ITGBL1: variants seen among roughly 807,000 people sequenced by gnomAD.
ITGBL1 encodes integrin beta-like protein 1.
A neutral mutation model predicts 68.5 loss-of-function variants in ITGBL1; 51 were observed. The ratio of observed to expected loss-of-function variants is 0.74; its 90% CI spans 0.59 to 0.94. The LOEUF (loss-of-function observed/expected upper bound fraction) is 0.94, where lower values mean the gene tolerates loss of function less well. Ranked by LOEUF, ITGBL1 falls within the 40% of genes least tolerant of loss-of-function variation. The probability of loss-of-function intolerance (pLI) is 0.00; values close to 1 mark genes in which losing one functional copy is unlikely to be tolerated. For synonymous variants in ITGBL1, 209 were observed against 227.3 expected (o/e 0.92, Z 0.72); for missense variants, 649 against 647.4 (o/e 1.00, Z -0.03).
chr13:101,679,942 ATTACT>A (rs1221118822), intron 7 of ITGBL1, among the ~76,000 whole-genome samples: 1 of 152,222 alleles, frequency 6.6e-6, no homozygotes, highest in Non-Finnish European at 1.5e-5. Context: ...TCCATGACTG[ATTACT>A]TTAATCCTTG....
chr13:101,674,867 A>G (rs897719700), intron 7 of ITGBL1, among the ~76,000 whole-genome samples: 1 of 151,544 alleles, frequency 6.6e-6, no homozygotes, highest in African/African-American at 2.4e-5. Flanking sequence ...TTTACCCTAT[A>G]TTTGCTTTTT....
intron 7 of ITGBL1, among the ~76,000 whole-genome samples, chr13:101,625,353 C>A (rs1234539673): frequency 6.6e-6 from 1 of 152,146 alleles, no homozygotes; most frequent in African/African-American, 2.4e-5. Context: ...GCCAGTTAAG[C>A]CTTCGTATGT....
intron 7 of ITGBL1, among the ~76,000 whole-genome samples, chr13:101,630,520 G>A (rs1436433112): frequency 1.3e-5 from 2 of 152,048 alleles, no homozygotes; most frequent in African/African-American, 4.8e-5. Context: ...CTGGTTTTAG[G>A]TACAAAATGT....
chr13:101,672,215 T>A (rs1213781233), intron 7 of ITGBL1, among the ~76,000 whole-genome samples: 1 of 152,226 alleles, frequency 6.6e-6, no homozygotes, highest in African/African-American at 2.4e-5. Flanking sequence ...ATATACTTGT[T>A]AGATGTTGGC....
At chr13:101,681,826 G>A (rs959294961) in intron 7 of ITGBL1, among the ~76,000 whole-genome samples, 1 of 152,126 alleles carries the variant, frequency 6.6e-6, no homozygotes, top group Non-Finnish European at 1.5e-5. Flanking sequence ...GTGCGCATGT[G>A]TGTATATGTG....
chr13:101,514,493 A>G (rs1319378984), intron 2 of ITGBL1, among the ~76,000 whole-genome samples: 2 of 151,994 alleles, frequency 1.3e-5, no homozygotes, highest in East Asian at 1.9e-4. Context: ...GAGCTAATTT[A>G]TTTCCTAAAG....
At chr13:101,653,505 A>T (rs894086712) in intron 7 of ITGBL1, among the ~76,000 whole-genome samples, 13 of 152,206 alleles carry the variant, frequency 8.5e-5, no homozygotes, top group African/African-American at 2.9e-4. Flanking sequence ...CAACAAATAT[A>T]TGTTAGGTAC....
intron 2 of ITGBL1, among the ~76,000 whole-genome samples, chr13:101,562,978 A>G (rs1292558426): frequency 1.3e-5 from 2 of 151,660 alleles, no homozygotes; most frequent in Non-Finnish European, 3.0e-5. Flanking sequence ...ACAGAAATAG[A>G]TCTGAAAAAA....
intron 7 of ITGBL1, among the ~76,000 whole-genome samples, chr13:101,624,363 C>T (rs2031697061): frequency 6.6e-6 from 1 of 152,086 alleles, no homozygotes; most frequent in South Asian, 2.1e-4. Flanking sequence ...TGTTTTATGC[C>T]CCAATAACTA....
chr13:101,600,946 A>G (rs372163320), intron 7 of ITGBL1, among the ~76,000 whole-genome samples: 9 of 152,062 alleles, frequency 5.9e-5, no homozygotes, highest in Admixed American at 1.3e-4. Context: ...GATGATGCTG[A>G]CCTCATAAAA....
intron 7 of ITGBL1, among the ~76,000 whole-genome samples, chr13:101,637,622 C>A (rs1192484757): frequency 1.3e-5 from 2 of 152,148 alleles, no homozygotes; most frequent in Non-Finnish European, 2.9e-5. Context: ...GGATTACAGG[C>A]GTGAGCCACC....
chr13:101,541,501 A>G (rs1220343898), intron 2 of ITGBL1, among the ~76,000 whole-genome samples: 3 of 151,984 alleles, frequency 2.0e-5, no homozygotes, highest in Admixed American at 6.6e-5. Flanking sequence ...CAGGGATATT[A>G]GTCGAAAATT....
chr13:101,659,039 ATTTTTTTT>A (rs55935871), intron 7 of ITGBL1, among the ~76,000 whole-genome samples: 3 of 103,848 alleles, frequency 2.9e-5, no homozygotes, highest in Admixed American at 1.2e-4. Context: ...TGGTGATTGA[ATTTTTTTT>A]TTTTTTTTTT....
rs569333980 is a variant in ITGBL1, at chr13:101,645,748, T to G, written c.1016-46837T>G. 4.6e-5 allele frequency among the ~76,000 whole-genome samples: 7 copies of G among 152,284 alleles called. No homozygotes were observed. The East Asian group carries it at 1.4e-3, about 29-fold the overall frequency. On this transcript the variant is annotated intron_variant, in intron 7 of 10. Transcript: ENST00000376180. The stretch of plus-strand genomic sequence containing the variant: ...AGGGATGGGCATAGCATGAGGTTCA[T>G]GCCCCGCAACTGCCTCACGCAGGAG...
At chr13:101,490,152 T>G (rs2139058090) in intron 2 of ITGBL1, among the ~76,000 whole-genome samples, 1 of 152,188 alleles carries the variant, frequency 6.6e-6, no homozygotes, top group South Asian at 2.1e-4. Context: ...GTTGAGTACA[T>G]GAGGGTGGGG....
chr13:101,461,586 TCAGGAGGCTAATA>T, intron 2 of ITGBL1, among the ~76,000 whole-genome samples: 1 of 152,178 alleles, frequency 6.6e-6, no homozygotes, highest in East Asian at 1.9e-4. Flanking sequence ...GTGCCAGCTA[TCAGGAGGCTAATA>T]CAGGAGGCTC....
intron 2 of ITGBL1, among the ~76,000 whole-genome samples, chr13:101,567,043 A>G (rs1226638890): frequency 6.6e-6 from 1 of 152,168 alleles, no homozygotes; most frequent in Non-Finnish European, 1.5e-5. Context: ...AAACATTAGT[A>G]GGCTTCATCA....
intron 8 of ITGBL1, among the ~76,000 whole-genome samples, chr13:101,701,720 TAAATA>T (rs1411577396): frequency 6.6e-6 from 1 of 152,102 alleles, no homozygotes; most frequent in Admixed American, 6.6e-5. Context: ...TAAGATATGT[TAAATA>T]AAATAAGCCA....
At position 101,598,172 on chromosome 13, in the gene ITGBL1, C is replaced by T. The variant is rs141099808; in HGVS notation, c.888C>T (p.Cys296=). ...GTGAAGGTCATGGACAGTGTAATTG[C>T]GGAAGATGTGACTGCAAAGCAGGCT... The part of the protein sequence containing the change: ...DFCSGHGQCN[C]GRCDCKAGWY... Residue 296 remains cysteine, a synonymous_variant, in exon 7 of 11, where the codon TGC becomes TGT. Transcript: ENST00000376180. The T allele has an allele frequency of 8.4e-5, 135 of 1,612,816 alleles. No individual in the cohort carries two copies. In the Middle Eastern group the frequency reaches 1.6e-3, roughly 20 times the overall value.
Sources: gnomAD v4.1 joint callset for allele counts (sites outside exome capture counted in the v4.1 genomes callset) on GRCh38, gnomAD v4.1.1 for gene constraint, MANE v1.5 for transcripts, NCBI Gene and HGNC (gene_info 2026-07-23, HGNC 2026-07-21) for gene names.